PCDH11X: variants seen among roughly 807,000 people sequenced by gnomAD.
The protein encoded by PCDH11X is protocadherin 11 X-linked.
A neutral mutation model predicts 53.3 loss-of-function variants in PCDH11X; 18 were observed. The observed-to-expected ratio is 0.34, with a 90% CI of 0.23 to 0.50. The LOEUF is 0.50. Ranked by LOEUF, PCDH11X falls within the 20% of genes least tolerant of loss-of-function variation. PCDH11X has a pLI of 0.98. For synonymous variants in PCDH11X, 279 were observed against 393.3 expected (o/e 0.71, Z 3.44); for missense variants, 570 against 1,032.4 (o/e 0.55, Z 6.14).
At chrX:92,426,981 AAC>A in intron 9 of PCDH11X, among the ~76,000 whole-genome samples, 1 of 109,981 alleles carries the variant, frequency 9.1e-6, no homozygotes, top group South Asian at 3.9e-4. Flanking sequence ...AAGCAATTGA[AAC>A]ATATGCAGAA....
chrX:92,479,157 GT>G (rs913689060), intron 10 of PCDH11X, among the ~76,000 whole-genome samples: 1 of 111,021 alleles, frequency 9.0e-6, no homozygotes, highest in Non-Finnish European at 1.9e-5. Flanking sequence ...TTTAAAATAT[GT>G]TTTTTCTGAA....
In PCDH11X at chrX:92,621,530, C is replaced by G. The variant is rs1363358562; in HGVS notation, c.*2590C>G. The G allele has an allele frequency of 9.1e-6, 1 of 110,340 alleles. No homozygotes were observed. The allele number at this position is 110,340 out of a possible 1,213,427, so 9.1% of individuals were successfully genotyped here. A position where few individuals can be genotyped will look rare whatever the true frequency, so the allele number is the denominator to read the frequency against. On this transcript the variant is annotated 3_prime_UTR_variant, in exon 11 of 11. Transcript: ENST00000682573. ...TTGAATGGAAGCAGGCTGAGAGTAG[C>G]CAAAGAGGCAAGGGGTATTAGCCCA...
rs1300514769 is a variant in PCDH11X, at chrX:92,432,982, T to TACTG, written c.3344-35316_3344-35313dup. On this transcript the variant is annotated intron_variant, in intron 9 of 10. Coordinates refer to ENST00000682573, the MANE Select transcript of PCDH11X (RefSeq NM_032968.5). ...AGTCATGTTGTATTACTCCAAAGCA[T>TACTG]ACTGTAAATCCATTAATATAAATCT... 5.4e-5 allele frequency among the ~76,000 whole-genome samples: 6 copies of TACTG among 111,089 alleles called. No individual in the cohort carries two copies. The East Asian group carries it at 1.7e-3, about 32-fold the overall frequency.
At chrX:92,246,142 G>A (rs2067345709) in intron 7 of PCDH11X, among the ~76,000 whole-genome samples, 1 of 110,807 alleles carries the variant, frequency 9.0e-6, no homozygotes, top group Non-Finnish European at 1.9e-5. Context: ...ATTTAATTAG[G>A]AAACAAAGTA....
At chrX:92,366,943 G>A (rs1418851705) in intron 8 of PCDH11X, among the ~76,000 whole-genome samples, 1 of 110,663 alleles carries the variant, frequency 9.0e-6, no homozygotes, top group Non-Finnish European at 1.9e-5. Context: ...TAAGTGCTAT[G>A]TATGTGCTGA....
chrX:91,938,988 T>G (rs975794838), intron 6 of PCDH11X, among the ~76,000 whole-genome samples: 4 of 111,151 alleles, frequency 3.6e-5, no homozygotes, highest in Non-Finnish European at 7.6e-5. Flanking sequence ...CAAAGATTAG[T>G]GAACATACTA....
At chrX:92,000,177 C>G (rs1042779476) in intron 6 of PCDH11X, among the ~76,000 whole-genome samples, 1 of 110,980 alleles carries the variant, frequency 9.0e-6, no homozygotes, top group Non-Finnish European at 1.9e-5. Context: ...GTTATTATGA[C>G]TTTAGTGTAA....
At chrX:92,105,461 C>T (rs2064359363) in intron 6 of PCDH11X, among the ~76,000 whole-genome samples, 1 of 110,240 alleles carries the variant, frequency 9.1e-6, no homozygotes, top group Non-Finnish European at 1.9e-5. Context: ...GTGAAGAGAC[C>T]ACCAAACAGG....
intron 6 of PCDH11X, among the ~76,000 whole-genome samples, chrX:91,984,224 G>A (rs1242944533): frequency 1.0e-5 from 1 of 100,105 alleles, no homozygotes; most frequent in Non-Finnish European, 2.0e-5. Context: ...TATCACTCCG[G>A]AGGTTTTCAC....
intron 6 of PCDH11X, among the ~76,000 whole-genome samples, chrX:92,104,017 A>G (rs1181053455): frequency 1.8e-5 from 2 of 111,127 alleles, no homozygotes; most frequent in South Asian, 3.9e-4. Context: ...GCTGCCAAAC[A>G]AGTCATGAAC....
At chrX:92,148,057 CCTTTCTTT>C (rs1190209890) in intron 6 of PCDH11X, among the ~76,000 whole-genome samples, 332 of 16,930 alleles carry the variant, frequency 0.02, 11 homozygotes, top group Admixed American at 0.026. Context: ...TTCCTTCCTT[CCTTTCTTT>C]CTTTCTTTCT....
rs2064015371 is a variant in PCDH11X, at chrX:92,089,618, G to A, written c.3034-111757G>A. Among the ~76,000 whole-genome samples, 5 of 107,455 alleles carry A rather than the reference G, an allele frequency of 4.7e-5. No individual in the cohort carries two copies. The Admixed American group carries it at 5.1e-4, about 11-fold the overall frequency. The allele number at this position is 107,455 out of a possible 115,157, so 93.3% of individuals were successfully genotyped here. A position where few individuals can be genotyped will look rare whatever the true frequency, so the allele number is the denominator to read the frequency against. On this transcript the variant is annotated intron_variant, in intron 6 of 10. Transcript: ENST00000682573. ...GCTCACTGCAACCTCCTCCTCCCGG[G>A]TTCAAACGATTCTCCTGTCTCAGCC... is the stretch of plus-strand genomic sequence containing the variant.
chrX:92,557,476 T>C (rs1052521720), intron 10 of PCDH11X, among the ~76,000 whole-genome samples: 2 of 111,214 alleles, frequency 1.8e-5, no homozygotes, highest in Non-Finnish European at 3.8e-5. Flanking sequence ...ACAGCAAGAA[T>C]CATCTTTATT....
At chrX:92,130,369 G>A (rs764491196) in intron 6 of PCDH11X, among the ~76,000 whole-genome samples, 4 of 110,515 alleles carry the variant, frequency 3.6e-5, no homozygotes, top group East Asian at 2.9e-4. Context: ...TATTGAGGCC[G>A]GGCACGGTGG....
chrX:92,014,302 C>T (rs2062750056), intron 6 of PCDH11X, among the ~76,000 whole-genome samples: 1 of 112,014 alleles, frequency 8.9e-6, no homozygotes, highest in Admixed American at 9.5e-5. Context: ...CATCACTGGC[C>T]ATCAGAGAAA....
intron 8 of PCDH11X, among the ~76,000 whole-genome samples, chrX:92,359,744 C>G (rs902031463): frequency 8.1e-5 from 9 of 110,516 alleles, no homozygotes; most frequent in African/African-American, 2.9e-4. Flanking sequence ...CTATAGCAAG[C>G]AAACACCACT....
At chrX:92,351,008 C>G (rs1439185907) in intron 8 of PCDH11X, among the ~76,000 whole-genome samples, 1 of 111,771 alleles carries the variant, frequency 8.9e-6, no homozygotes, top group Non-Finnish European at 1.9e-5. Flanking sequence ...TTTTGAAGTT[C>G]TATAGATGAT....
intron 6 of PCDH11X, among the ~76,000 whole-genome samples, chrX:92,100,049 G>A (rs1254814815): frequency 9.0e-6 from 1 of 111,544 alleles, no homozygotes; most frequent in Non-Finnish European, 1.9e-5. Context: ...ACAGCACTTA[G>A]CAGAATATGT....
intron 6 of PCDH11X, among the ~76,000 whole-genome samples, chrX:91,914,014 C>A (rs745966010): frequency 9.0e-6 from 1 of 111,674 alleles, no homozygotes; most frequent in East Asian, 2.8e-4. Context: ...TTCTCTGCCA[C>A]CTCTACCAGA....
Sources: allele counts gnomAD v4.1 joint callset (sites outside exome capture counted in the v4.1 genomes callset), GRCh38; gene constraint gnomAD v4.1.1; transcripts MANE v1.5; gene names NCBI Gene and HGNC (gene_info 2026-07-23, HGNC 2026-07-21).